CNTN4: variants seen among roughly 807,000 people sequenced by gnomAD.
CNTN4 encodes contactin 4, also known as contactin-4.
CNTN4 carries 77 observed loss-of-function variants against 122.5 expected under a neutral mutation model. The observed-to-expected ratio is 0.63, with a 90% CI of 0.52 to 0.76. The LOEUF (loss-of-function observed/expected upper bound fraction) is 0.76. Among genes scored for constraint, CNTN4 ranks in the 30% least tolerant of loss-of-function variants. The pLI, the probability that CNTN4 is intolerant of heterozygous loss-of-function variation, is 0.00. For synonymous variants in CNTN4, 512 were observed against 447.0 expected, an observed-to-expected ratio of 1.15 and a Z score of -1.83; for missense variants, 1,256 against 1,259.1, an observed-to-expected ratio of 1.00 and a Z score of 0.04.
chr3:2,784,541 G>A (rs192646055), intron 6 of CNTN4, among the ~76,000 whole-genome samples: 31 of 152,296 alleles, frequency 2.0e-4, no homozygotes, highest in African/African-American at 7.2e-4. Flanking sequence ...TCTGATGCCT[G>A]TAAAACCAAA....
At chr3:2,501,314 A>G (rs1277415389) in intron 3 of CNTN4, among the ~76,000 whole-genome samples, 1 of 152,190 alleles carries the variant, frequency 6.6e-6, no homozygotes, top group East Asian at 1.9e-4. Context: ...ATCTGTTCAG[A>G]TTGAAGTTAC....
At position 2,348,103 on chromosome 3, in the gene CNTN4, C is replaced by T. The variant is rs375319463; in HGVS notation, c.-89+8870C>T. Among the ~76,000 whole-genome samples, 189 of 152,276 alleles carry T rather than the reference C, an allele frequency of 1.2e-3. 1 individual carries two copies. Among genetic ancestry groups the T allele is most frequent in the African/African-American group, 4.3e-3 (178 of 41,556 alleles). On this transcript the variant is annotated intron_variant, in intron 3 of 24. Coordinates refer to ENST00000418658, the MANE Select transcript of CNTN4 (RefSeq NM_175607.3). ...TTCCTTTCTTTGGGAATGTTGTGAACTCTGTGTTGTGACAGCATTCCCCAA... is the reference window on the plus strand; with the variant it reads ...TTCCTTTCTTTGGGAATGTTGTGAATTCTGTGTTGTGACAGCATTCCCCAA...
chr3:2,280,608 A>G (rs1202049153), intron 2 of CNTN4, among the ~76,000 whole-genome samples: 4 of 152,210 alleles, frequency 2.6e-5, no homozygotes, highest in African/African-American at 9.7e-5. Flanking sequence ...TTAGCTGCCT[A>G]TAAAATATGT....
intron 4 of CNTN4, among the ~76,000 whole-genome samples, chr3:2,690,870 A>G (rs1464223142): frequency 6.6e-6 from 1 of 152,230 alleles, no homozygotes; most frequent in Non-Finnish European, 1.5e-5. Context: ...GGCAACTTTC[A>G]TGCTATAGGT....
rs1419445136 is a variant in CNTN4 at position 3,040,011 on chromosome 3, T to C, written c.2164-26T>C. On this transcript the variant is annotated intron_variant, in intron 19 of 24. Coordinates refer to ENST00000418658, the MANE Select transcript of CNTN4 (RefSeq NM_175607.3). ...ATTTGAGTGAAACTACTGTGATTTC[T>C]GAAGACCACCTTCCTTCTTTCCCAG... 2.0e-6 allele frequency: 3 copies of C among 1,517,990 alleles called. No homozygotes were observed. In the East Asian group the frequency reaches 6.8e-5, roughly 34 times the overall value. 94.0% of individuals were successfully genotyped at this position (1,517,990 alleles called of 1,614,324 possible).
rs992291627 is a variant in CNTN4 at position 2,614,667 on chromosome 3, A to T, written c.55+43109A>T. Reference sequence around the variant, plus strand: ...CATAGACGATGAATTTTTCTCAGAGATGTGTAGGAAGCAGGTTCACTGAGG... The same window carrying T: ...CATAGACGATGAATTTTTCTCAGAGTTGTGTAGGAAGCAGGTTCACTGAGG... On this transcript the variant is annotated intron_variant, in intron 4 of 24. Transcript: ENST00000418658. Among the ~76,000 whole-genome samples, 3 of 152,104 alleles carry T rather than the reference A, an allele frequency of 2.0e-5. No homozygotes were observed. In the East Asian group the frequency reaches 5.8e-4, roughly 29 times the overall value.
At chr3:2,350,431 G>A (rs1041370780) in intron 3 of CNTN4, among the ~76,000 whole-genome samples, 2 of 152,120 alleles carry the variant, frequency 1.3e-5, no homozygotes, top group Non-Finnish European at 2.9e-5. Context: ...TGGTGGCAGT[G>A]AAACAAAAGG....
intron 2 of CNTN4, among the ~76,000 whole-genome samples, chr3:2,171,058 A>G (rs898308769): frequency 6.6e-6 from 1 of 152,206 alleles, no homozygotes; most frequent in Non-Finnish European, 1.5e-5. Flanking sequence ...TTAGTCGAAT[A>G]ACTATAATAG....
intron 4 of CNTN4, among the ~76,000 whole-genome samples, chr3:2,593,325 A>G (rs924957117): frequency 6.6e-6 from 1 of 152,204 alleles, no homozygotes; most frequent in Non-Finnish European, 1.5e-5. Flanking sequence ...ACATTTGTTC[A>G]TTCAGCACCT....
intron 6 of CNTN4, among the ~76,000 whole-genome samples, chr3:2,793,420 C>T (rs2092073593): frequency 6.6e-6 from 1 of 152,008 alleles, no homozygotes; most frequent in Non-Finnish European, 1.5e-5. Flanking sequence ...TACCCACAAC[C>T]ACTTGGTTTA....
At chr3:2,815,465 C>T (rs2092704655) in intron 6 of CNTN4, among the ~76,000 whole-genome samples, 2 of 152,046 alleles carry the variant, frequency 1.3e-5, no homozygotes, top group African/African-American at 2.4e-5. Flanking sequence ...AGAGGATATG[C>T]AAATAGCCAA....
At chr3:2,294,051 C>T (rs2042221022) in intron 2 of CNTN4, among the ~76,000 whole-genome samples, 1 of 152,182 alleles carries the variant, frequency 6.6e-6, no homozygotes, top group Non-Finnish European at 1.5e-5. Flanking sequence ...TACATCTTAT[C>T]AGCCAGCCAG....
intron 3 of CNTN4, among the ~76,000 whole-genome samples, chr3:2,506,423 C>T (rs531136665): frequency 6.6e-6 from 1 of 152,130 alleles, no homozygotes; most frequent in Non-Finnish European, 1.5e-5. Flanking sequence ...CTGAGCCAGA[C>T]AGAATGATGT....
chr3:2,930,866 C>A (rs2094514184), intron 13 of CNTN4, among the ~76,000 whole-genome samples: 2 of 152,134 alleles, frequency 1.3e-5, no homozygotes, highest in African/African-American at 4.8e-5. Context: ...AGCGCAGAGG[C>A]CCAGTAGCAC....
intron 13 of CNTN4, 30 bp downstream of exon 13, chr3:2,925,809 G>A (rs749001155): frequency 1.1e-5 from 17 of 1,581,042 alleles, no homozygotes; most frequent in African/African-American, 4.0e-5. Flanking sequence ...TCAATATTTG[G>A]TTAACCTGTA....
chr3:2,432,640 G>T (rs1224893258), intron 3 of CNTN4, among the ~76,000 whole-genome samples: 2 of 151,672 alleles, frequency 1.3e-5, no homozygotes, highest in East Asian at 3.9e-4. Context: ...GTGTGTGTAT[G>T]TATGTGTATA....
At chr3:2,704,687 T>C (rs1377175990) in intron 4 of CNTN4, among the ~76,000 whole-genome samples, 4 of 152,162 alleles carry the variant, frequency 2.6e-5, no homozygotes, top group Non-Finnish European at 4.4e-5. Flanking sequence ...GATTTAGATA[T>C]AGACCATAAG....
intron 23 of CNTN4, among the ~76,000 whole-genome samples, chr3:3,048,514 C>CTG (rs1491111533): frequency 0.013 from 1,716 of 134,336 alleles, 24 homozygotes; most frequent in African/African-American, 0.052. Flanking sequence ...CTCTCTCTCT[C>CTG]TCTGTGTGTG....
chr3:2,683,572 A>G (rs909671317), intron 4 of CNTN4, among the ~76,000 whole-genome samples: 5 of 152,118 alleles, frequency 3.3e-5, no homozygotes, highest in African/African-American at 1.2e-4. Flanking sequence ...ATGTTTTTCC[A>G]TTATTATTGA....
Sources: gnomAD v4.1 joint callset for allele counts (sites outside exome capture counted in the v4.1 genomes callset) on GRCh38, gnomAD v4.1.1 for gene constraint, MANE v1.5 for transcripts, NCBI Gene and HGNC (gene_info 2026-07-23, HGNC 2026-07-21) for gene names.